The following ZBTB46 variants were observed in gnomAD, a reference collection of about 807,000 sequenced individuals.
The protein encoded by ZBTB46 is zinc finger and BTB domain-containing protein 46.
A neutral mutation model predicts 44.1 loss-of-function variants in ZBTB46; 8 were observed. That is an observed-to-expected ratio of 0.18 (90% CI 0.11 to 0.33). ZBTB46 has a LOEUF of 0.33. Among genes scored for constraint, ZBTB46 ranks in the 10% least tolerant of loss-of-function variants. The pLI is 1.00. For synonymous variants in ZBTB46, 409 were observed against 382.3 expected (o/e 1.07, Z -0.81); for missense variants, 651 against 847.7 (o/e 0.77, Z 2.88).
rs755233684 is a variant in ZBTB46 at position 63,775,848 on chromosome 20, GGGCCCAGATAGCTGGCTTCTCCTCCCA to G, written c.1025_1051del (p.Leu342_Gly350del). On this transcript the variant is annotated inframe_deletion, in exon 3 of 5. Transcript: ENST00000245663. ...GTCGTCCTTCTCTGGGGTGAGGGGA[GGGCCCAGATAGCTGGCTTCTCCTCCCA>G]GGAGACCCTCCTCCACCTGTGCATA... The G allele has an allele frequency of 1.9e-6, 3 of 1,613,356 alleles. No homozygotes were observed. The highest frequency in any genetic ancestry group is 1.3e-5 in the African/African-American group (1 of 74,954).
intron 1 of ZBTB46, among the ~76,000 whole-genome samples, chr20:63,797,534 G>A (rs1033432353): frequency 1.3e-5 from 2 of 152,212 alleles, no homozygotes; most frequent in Middle Eastern, 3.4e-3. Flanking sequence ...GGGATGGCTG[G>A]GTCAAATAGT....
Position 63,746,917 on chromosome 20 carries a change from C to T in ZBTB46, c.*13G>A. 1 of 1,511,826 alleles carries T rather than the reference C, an allele frequency of 6.6e-7. No homozygotes were observed. The allele number at this position is 1,511,826 out of a possible 1,614,324, so 93.7% of individuals were successfully genotyped here. ...CGGAGCGAGGCAGCCACCGACCCTGCCGGCGGGCGGGCCTAGGAGAGCCAG... is the reference window on the plus strand; with the variant it reads ...CGGAGCGAGGCAGCCACCGACCCTGTCGGCGGGCGGGCCTAGGAGAGCCAG... On this transcript the variant is annotated 3_prime_UTR_variant, in exon 5 of 5. Coordinates refer to ENST00000245663, the MANE Select transcript of ZBTB46 (RefSeq NM_001369741.1).
At chr20:63,823,135 TCCAG>T (rs536889358) in intron 1 of ZBTB46, among the ~76,000 whole-genome samples, 2 of 151,918 alleles carry the variant, frequency 1.3e-5, no homozygotes, top group Non-Finnish European at 2.9e-5. Flanking sequence ...ACCACTGCAC[TCCAG>T]CCTGAGCGAC....
At chr20:63,759,636 CA>C (rs2092256151) in intron 3 of ZBTB46, among the ~76,000 whole-genome samples, 1 of 152,154 alleles carries the variant, frequency 6.6e-6, no homozygotes, top group Admixed American at 6.5e-5. Context: ...CAAGAGCTCT[CA>C]GGGGCAGCCC....
At chr20:63,784,010 A>G (rs2092491855) in intron 2 of ZBTB46, among the ~76,000 whole-genome samples, 1 of 152,186 alleles carries the variant, frequency 6.6e-6, no homozygotes, top group African/African-American at 2.4e-5. Context: ...GAGTCCCTGC[A>G]GGGACGTAAC....
intron 1 of ZBTB46, among the ~76,000 whole-genome samples, chr20:63,822,038 T>G (rs894850559): frequency 2.0e-5 from 3 of 152,200 alleles, no homozygotes; most frequent in Non-Finnish European, 4.4e-5. Context: ...CACCTTTAAC[T>G]TCCCCTATCT....
At chr20:63,749,419 C>T (rs1224222908) in intron 4 of ZBTB46, among the ~76,000 whole-genome samples, 1 of 152,208 alleles carries the variant, frequency 6.6e-6, no homozygotes, top group African/African-American at 2.4e-5. Context: ...TCACTGCCAG[C>T]TCCGCCTCCC....
At chr20:63,805,363 A>G (rs2092674755) in intron 1 of ZBTB46, among the ~76,000 whole-genome samples, 1 of 152,198 alleles carries the variant, frequency 6.6e-6, no homozygotes, top group South Asian at 2.1e-4. Context: ...TGAGAGGCTG[A>G]GGCGGCAGAA....
At chr20:63,833,382 G>C (rs6011176), upstream of ZBTB46, among the ~76,000 whole-genome samples, 15,208 of 152,218 alleles carry the variant, frequency 0.1, 1,234 homozygotes, top group African/African-American at 0.22. Flanking sequence ...ACGAGGTCAG[G>C]AGATCGAGAC....
intron 2 of ZBTB46, among the ~76,000 whole-genome samples, chr20:63,788,860 A>G (rs895360673): frequency 7.5e-6 from 1 of 132,478 alleles, no homozygotes; most frequent in Non-Finnish European, 1.6e-5. Context: ...TTTGAGATGG[A>G]GTTTCGCTCT....
At chr20:63,760,100 C>T (rs6122028) in intron 3 of ZBTB46, among the ~76,000 whole-genome samples, 46,242 of 152,088 alleles carry the variant, frequency 0.3, 7,640 homozygotes, top group Admixed American at 0.38. Context: ...TGAAATGCCA[C>T]GTCAGGCTCT....
At chr20:63,774,131 G>A (rs2092400936) in intron 3 of ZBTB46, among the ~76,000 whole-genome samples, 1 of 123,482 alleles carries the variant, frequency 8.1e-6, no homozygotes, top group Admixed American at 1.2e-4. Flanking sequence ...AGCACCCACA[G>A]CTTGTCCCGT....
chr20:63,831,130 G>T lies in ZBTB46; in HGVS notation c.-67C>A, dbSNP rs2092848955. The T allele has an allele frequency of 7.0e-6, 1 of 142,236 alleles. No homozygotes were observed. Among genetic ancestry groups the T allele is most frequent in the Non-Finnish European group, 1.6e-5 (1 of 64,346 alleles). The allele number at this position is 142,236 out of a possible 1,614,324, so 8.8% of individuals were successfully genotyped here. On this transcript the variant is annotated 5_prime_UTR_variant, in exon 1 of 5. Coordinates refer to ENST00000245663, the MANE Select transcript of ZBTB46 (RefSeq NM_001369741.1). Reference sequence around the variant, plus strand: ...CCATGGGGCGCGGGCGAGGGCGGGCGCCGCGGCCGCCGGGCCGGCGCCGGT... The same window carrying T: ...CCATGGGGCGCGGGCGAGGGCGGGCTCCGCGGCCGCCGGGCCGGCGCCGGT...
rs2092174315 is a variant in ZBTB46 at position 63,752,171 on chromosome 20, G to A, written c.1398+515C>T. Among the ~76,000 whole-genome samples the A allele has an allele frequency of 6.6e-6, 1 of 152,126 alleles. No homozygotes were observed. Among genetic ancestry groups the A allele is most frequent in the Non-Finnish European group, 1.5e-5 (1 of 68,020 alleles). On this transcript the variant is annotated intron_variant, in intron 4 of 4. Coordinates refer to ENST00000245663, the MANE Select transcript of ZBTB46 (RefSeq NM_001369741.1). The surrounding 1 kb of genome is among the most constrained non-coding windows in gnomAD (Gnocchi z 5.6). ...CACCCACTTGAGATGCCCTCGCCAGGCCTTTTTTGGCAAATCTGCCTCCCT... is the reference window on the plus strand; with the variant it reads ...CACCCACTTGAGATGCCCTCGCCAGACCTTTTTTGGCAAATCTGCCTCCCT...
intron 3 of ZBTB46, among the ~76,000 whole-genome samples, chr20:63,772,059 A>G (rs2092379712): frequency 7.2e-6 from 1 of 139,260 alleles, no homozygotes; most frequent in Non-Finnish European, 1.5e-5. Context: ...GAATGGCATG[A>G]TCTCGGCTCA....
intron 3 of ZBTB46, chr20:63,769,157 G>A (rs377199084): frequency 2.0e-6 from 2 of 983,274 alleles, no homozygotes; most frequent in East Asian, 1.1e-4. Context: ...GCTCATCTGG[G>A]CCGTGGCCAC....
intron 4 of ZBTB46, among the ~76,000 whole-genome samples, chr20:63,749,528 G>A (rs372943914): frequency 1.3e-5 from 2 of 152,146 alleles, no homozygotes; most frequent in East Asian, 3.9e-4. Context: ...AGTAGAGACG[G>A]GGTTTCACCG....
At chr20:63,813,321 C>T (rs560433174) in intron 1 of ZBTB46, among the ~76,000 whole-genome samples, 12 of 150,904 alleles carry the variant, frequency 8.0e-5, no homozygotes, top group Middle Eastern at 3.5e-3. Context: ...TGGTGGAGCG[C>T]GCCTGTAATC....
At chr20:63,779,166 G>GT (rs1445937071) in intron 2 of ZBTB46, among the ~76,000 whole-genome samples, 1 of 152,152 alleles carries the variant, frequency 6.6e-6, no homozygotes, top group Non-Finnish European at 1.5e-5. Context: ...ACACATGAGT[G>GT]TGGGGGTGCA....
Sources: gnomAD v4.1 joint callset for allele counts (sites outside exome capture counted in the v4.1 genomes callset) on GRCh38, gnomAD v4.1.1 for gene constraint, Gnocchi (gnomAD v3.1) non-coding constraint, MANE v1.5 for transcripts, NCBI Gene and HGNC (gene_info 2026-07-23, HGNC 2026-07-21) for gene names.